The following TLK1 variants were observed in gnomAD, a reference collection of about 807,000 sequenced individuals.
The protein encoded by TLK1 is serine/threonine-protein kinase tousled-like 1.
A neutral mutation model predicts 105.3 loss-of-function variants in TLK1; 24 were observed. The ratio of observed to expected loss-of-function variants is 0.23; its 90% confidence interval spans 0.17 to 0.32. TLK1 has a LOEUF of 0.32. Ranked by LOEUF, TLK1 falls within the 10% of genes least tolerant of loss-of-function variation. The probability of loss-of-function intolerance (pLI) is 1.00; values close to 1 mark genes in which losing one functional copy is unlikely to be tolerated. For synonymous variants in TLK1, 321 were observed against 310.4 expected, an observed-to-expected ratio of 1.03 and a Z score of -0.36; for missense variants, 558 against 910.5, an observed-to-expected ratio of 0.61 and a Z score of 4.98.
chr2:170,993,753 AGATATCAT>A lies in TLK1; in HGVS notation c.*19_*26del. 1.3e-6 allele frequency: 2 copies of A among 1,505,818 alleles called. No individual in the cohort carries two copies. The highest frequency in any genetic ancestry group is 1.8e-6 in the Non-Finnish European group (2 of 1,124,152). The allele number at this position is 1,505,818 out of a possible 1,614,324, so 93.3% of individuals were successfully genotyped here. ...AGTGTGCATCTGGAAGCAAATTCAA[AGATATCAT>A]GCCAATCTTGGAGGAAAGTCAGTAA... is the stretch of plus-strand genomic sequence containing the variant. On this transcript the variant is annotated 3_prime_UTR_variant, in exon 21 of 21. Coordinates refer to ENST00000431350, the MANE Select transcript of TLK1 (RefSeq NM_012290.5).
intron 2 of TLK1, among the ~76,000 whole-genome samples, chr2:171,115,998 A>C (rs941034139): frequency 6.6e-6 from 1 of 152,200 alleles, no homozygotes; most frequent in Non-Finnish European, 1.5e-5. Flanking sequence ...TGTGTCTATA[A>C]ATTAGTAGTA....
chr2:171,045,293 G>A (rs569674166), intron 11 of TLK1: 51 of 147,036 alleles, frequency 3.5e-4, no homozygotes, highest in African/African-American at 1.2e-3. Context: ...GCAATGGCAC[G>A]ATCTTGGCTC....
At chr2:171,144,920 C>T (rs1031008270) in intron 1 of TLK1, among the ~76,000 whole-genome samples, 2 of 152,136 alleles carry the variant, frequency 1.3e-5, no homozygotes, top group Admixed American at 6.5e-5. Context: ...TTTGAACAAG[C>T]ACTTCACAAA....
At chr2:171,148,874 T>C (rs946824410) in intron 1 of TLK1, among the ~76,000 whole-genome samples, 1 of 59,252 alleles carries the variant, frequency 1.7e-5, no homozygotes. Context: ...GGTGAGACTC[T>C]GTCTTAAAAA....
At chr2:171,144,543 G>A (rs1691717119) in intron 1 of TLK1, among the ~76,000 whole-genome samples, 1 of 151,988 alleles carries the variant, frequency 6.6e-6, no homozygotes, top group South Asian at 2.1e-4. Flanking sequence ...TCACAAATAT[G>A]CAGAAATTAA....
At chr2:171,221,520 A>G (rs1017210170) in intron 1 of TLK1, among the ~76,000 whole-genome samples, 1 of 152,216 alleles carries the variant, frequency 6.6e-6, no homozygotes, top group Non-Finnish European at 1.5e-5. Flanking sequence ...AAAATTAAAC[A>G]TGGATTAATT....
intron 12 of TLK1, among the ~76,000 whole-genome samples, chr2:171,015,434 ACACACACAC>A (rs1685131731): frequency 6.6e-6 from 1 of 150,426 alleles, no homozygotes; most frequent in Admixed American, 6.6e-5. Flanking sequence ...ACACACACAC[ACACACACAC>A]ACACACACAC....
At chr2:171,099,630 C>T (rs1211792995) in intron 2 of TLK1, among the ~76,000 whole-genome samples, 1 of 152,174 alleles carries the variant, frequency 6.6e-6, no homozygotes, top group Non-Finnish European at 1.5e-5. Flanking sequence ...TTAACCAACA[C>T]AGTGTGGTAT....
rs138637907 is a variant in TLK1 at position 171,099,651 on chromosome 2, T to C, written c.259-16799A>G. Among the ~76,000 whole-genome samples, 802 of 152,294 alleles carry C rather than the reference T, an allele frequency of 5.3e-3. 7 individuals carry two copies. The highest frequency in any genetic ancestry group is 0.018 in the African/African-American group (728 of 41,572). ...AACACAGTGTGGTATGGCGAAAAGA[T>C]AGACATACAGATCAGCAGAACAGAA... On this transcript the variant is annotated intron_variant, in intron 2 of 20. Coordinates refer to ENST00000431350, the MANE Select transcript of TLK1 (RefSeq NM_012290.5).
intron 1 of TLK1, among the ~76,000 whole-genome samples, chr2:171,174,307 C>T (rs1692781033): frequency 6.6e-6 from 1 of 151,968 alleles, no homozygotes. Flanking sequence ...CTATTCTTTC[C>T]CCCACCCTTT....
In TLK1 at chr2:171,160,401, A is replaced by C; in HGVS notation, c.28T>G (p.Leu10Val). Reference sequence around the variant, plus strand: ...TGGGACCAAGATGGCGGCCCCTCCAAACTTCCACTGCTACTTTGGACACTC... The same window carrying C: ...TGGGACCAAGATGGCGGCCCCTCCACACTTCCACTGCTACTTTGGACACTC... Reference protein sequence around the residue: MSVQSSSGSLEGPPSWSQLS... With the variant: MSVQSSSGSVEGPPSWSQLS... The change falls in exon 1 of 21, where the codon TTG becomes GTG. Residue 10 changes from leucine (L) to valine (V), a missense_variant. This residue lies in a region of TLK1 where 104 missense variants were observed against 116.0 expected (regional missense o/e 0.90). Transcript: ENST00000431350. This position sits in a 1 kb window ranked among gnomAD's most constrained non-coding sequence, Gnocchi z 4.4. 1 of 1,603,072 alleles carries C rather than the reference A, an allele frequency of 6.2e-7. No individual in the cohort carries two copies. Among genetic ancestry groups the C allele is most frequent in the Non-Finnish European group, 8.5e-7 (1 of 1,175,466 alleles).
intron 1 of TLK1, among the ~76,000 whole-genome samples, chr2:171,142,095 C>T (rs1441570346): frequency 6.6e-6 from 1 of 150,942 alleles, no homozygotes; most frequent in African/African-American, 2.4e-5. Context: ...CACACTTTAA[C>T]ACAGAAAGGA....
intron 12 of TLK1, among the ~76,000 whole-genome samples, chr2:171,027,353 T>C (rs373984438): frequency 2.2e-4 from 33 of 152,256 alleles, no homozygotes; most frequent in African/African-American, 7.5e-4. Flanking sequence ...TAACTTAATT[T>C]TGAGGGAAAA....
chr2:171,104,153 G>A (rs1034164853), intron 2 of TLK1, among the ~76,000 whole-genome samples: 3 of 151,942 alleles, frequency 2.0e-5, no homozygotes, highest in African/African-American at 7.3e-5. Flanking sequence ...GTGGGCGCCT[G>A]TAATCCCAGC....
At chr2:171,060,474 G>GC (rs1687700487) in intron 4 of TLK1, among the ~76,000 whole-genome samples, 2 of 152,200 alleles carry the variant, frequency 1.3e-5, no homozygotes, top group South Asian at 4.1e-4. Context: ...AGATCTTATG[G>GC]CTAAAGATTG....
intron 1 of TLK1, among the ~76,000 whole-genome samples, chr2:171,202,408 C>T (rs776576628): frequency 6.6e-6 from 1 of 151,092 alleles, no homozygotes; most frequent in African/African-American, 2.4e-5. Flanking sequence ...GCCGGGATCG[C>T]GCCATTGCAC....
rs1159182691 is a variant in TLK1, at chr2:171,128,585, G to C, written c.140-10728C>G. ...CCTTCTAGCTTTCTTCCTGGGGTTA[G>C]AAGTTCCTGCTAAGTATAATAGGAT... is the stretch of plus-strand genomic sequence containing the variant. On this transcript the variant is annotated intron_variant, in intron 1 of 20. Coordinates refer to ENST00000431350, the MANE Select transcript of TLK1 (RefSeq NM_012290.5). Among the ~76,000 whole-genome samples, 5 of 152,152 alleles carry C rather than the reference G, an allele frequency of 3.3e-5. No homozygotes were observed. The South Asian group carries it at 1.0e-3, about 31-fold the overall frequency.
chr2:171,225,111 A>G (rs1693874649), intron 1 of TLK1, among the ~76,000 whole-genome samples: 2 of 151,098 alleles, frequency 1.3e-5, no homozygotes, highest in Middle Eastern at 3.4e-3. Context: ...CCCTAAAAGC[A>G]CAGGTAATGA....
At chr2:171,196,539 A>C (rs186808768) in intron 1 of TLK1, among the ~76,000 whole-genome samples, 1 of 152,198 alleles carries the variant, frequency 6.6e-6, no homozygotes, top group Non-Finnish European at 1.5e-5. Flanking sequence ...AAAAATTGAC[A>C]TGGTTACTTG....
Sources: gnomAD v4.1 joint callset for allele counts (sites outside exome capture counted in the v4.1 genomes callset) on GRCh38, gnomAD v4.1.1 for gene constraint, gnomAD v4.1.1 regional missense constraint, Gnocchi (gnomAD v3.1) non-coding constraint, MANE v1.5 for transcripts, NCBI Gene and HGNC (gene_info 2026-07-23, HGNC 2026-07-21) for gene names.